The following FARS2 variants were observed in gnomAD, a reference collection of about 807,000 sequenced individuals.
FARS2 encodes phenylalanine--tRNA ligase, mitochondrial.
A neutral mutation model predicts 46.4 loss-of-function variants in FARS2; 40 were observed. The ratio of observed to expected loss-of-function variants is 0.86; its 90% confidence interval spans 0.67 to 1.12. The LOEUF is 1.12. FARS2 is among the 50% of genes most tolerant of loss of function. The probability of loss-of-function intolerance (pLI) is 0.00; values close to 1 mark genes in which losing one functional copy is unlikely to be tolerated. For missense variants in FARS2, 513 were observed against 567.9 expected (o/e 0.90, Z 0.98); for synonymous variants, 234 against 214.9 (o/e 1.09, Z -0.78).
rs150435691 is a variant in FARS2 at position 5,295,570 on chromosome 6, T to C, written c.-22+33910T>C. Among the ~76,000 whole-genome samples, 313 of 152,358 alleles carry C rather than the reference T, an allele frequency of 2.1e-3. 2 individuals carry two copies. The highest frequency in any genetic ancestry group is 7.3e-3 in the African/African-American group (302 of 41,586). On this transcript the variant is annotated intron_variant, in intron 1 of 6. Transcript: ENST00000274680. The stretch of plus-strand genomic sequence containing the variant: ...AATGATAAAAATGAGAGAATATTTA[T>C]GAATAGCAAGGGGACTTTCTTCTCT...
At chr6:5,263,530 AT>A (rs1025915749) in intron 1 of FARS2, among the ~76,000 whole-genome samples, 17 of 152,384 alleles carry the variant, frequency 1.1e-4, no homozygotes, top group East Asian at 3.9e-4. Context: ...CTTAAAAAAA[AT>A]AACTCGATTT....
At chr6:5,597,850 C>T (rs758598286) in intron 5 of FARS2, among the ~76,000 whole-genome samples, 2 of 152,144 alleles carry the variant, frequency 1.3e-5, no homozygotes, top group Non-Finnish European at 2.9e-5. Flanking sequence ...ATTTCTCTAG[C>T]TAATGACTAA....
intron 1 of FARS2, among the ~76,000 whole-genome samples, chr6:5,270,299 A>G (rs962742193): frequency 1.3e-5 from 2 of 152,200 alleles, no homozygotes; most frequent in Admixed American, 6.5e-5. Flanking sequence ...CATTCATAAC[A>G]TTAAGCCCTG....
intron 1 of FARS2, among the ~76,000 whole-genome samples, chr6:5,350,467 C>G (rs763797574): frequency 6.6e-6 from 1 of 152,126 alleles, no homozygotes; most frequent in Non-Finnish European, 1.5e-5. Flanking sequence ...GTGGCATTTG[C>G]GAAAGGTTAG....
At chr6:5,504,919 C>G (rs1768017771) in intron 4 of FARS2, among the ~76,000 whole-genome samples, 1 of 152,136 alleles carries the variant, frequency 6.6e-6, no homozygotes, top group Admixed American at 6.5e-5. Context: ...TTTGCCACCT[C>G]AGTCTCCCAA....
chr6:5,619,610 C>T (rs1775659182), intron 6 of FARS2, among the ~76,000 whole-genome samples: 1 of 152,062 alleles, frequency 6.6e-6, no homozygotes, highest in African/African-American at 2.4e-5. Flanking sequence ...CTATCACTTG[C>T]CATTTTTTAT....
chr6:5,639,338 G>C lies in FARS2; in HGVS notation c.1217+26018G>C, dbSNP rs9504459. ...CTTTGCATTTCAAGTCCCATCATGG[G>C]AGTTACCACTTAACCAGAAGCCATA... On this transcript the variant is annotated intron_variant, in intron 6 of 6. Coordinates refer to ENST00000274680, the MANE Select transcript of FARS2 (RefSeq NM_006567.5). 3.8e-3 allele frequency among the ~76,000 whole-genome samples: 572 copies of C among 152,264 alleles called. 3 individuals are homozygous for C. Among genetic ancestry groups the C allele is most frequent in the African/African-American group, 0.013 (550 of 41,536 alleles).
intron 5 of FARS2, among the ~76,000 whole-genome samples, chr6:5,610,909 T>C (rs1775144329): frequency 6.6e-6 from 1 of 152,178 alleles, no homozygotes; most frequent in South Asian, 2.1e-4. Flanking sequence ...ACCGACGTGG[T>C]ATGTCCACTA....
rs575864272 is a variant in FARS2 at position 5,431,085 on chromosome 6, C to G, written c.817C>G (p.Pro273Ala). The change falls in exon 4 of 7, where the codon CCT becomes GCT. Residue 273 changes from proline to alanine, a missense_variant. By Grantham distance (27) the Pro-to-Ala change is conservative. Transcript: ENST00000274680. ...AGACTGCTACTTCCCTTTTACACATCCTTCCTTTGAGATGGAGATCAACTT... is the reference window on the plus strand; with the variant it reads ...AGACTGCTACTTCCCTTTTACACATGCTTCCTTTGAGATGGAGATCAACTT... ...WVDCYFPFTH[P>A]SFEMEINFHG... 6.2e-7 allele frequency: 1 copy of G among 1,613,908 alleles called. No homozygotes were observed. The highest frequency in any genetic ancestry group is 1.1e-5 in the South Asian group (1 of 91,060).
At chr6:5,445,179 T>C (rs115653646) in intron 4 of FARS2, among the ~76,000 whole-genome samples, 2,285 of 75,472 alleles carry the variant, frequency 0.03, 59 homozygotes, top group African/African-American at 0.11. Flanking sequence ...AAAGAAATTC[T>C]TAGAGACCTT....
chr6:5,478,705 T>C (rs1016246474), intron 4 of FARS2, among the ~76,000 whole-genome samples: 22 of 152,184 alleles, frequency 1.4e-4, no homozygotes, highest in African/African-American at 5.1e-4. Flanking sequence ...TGGTGGTTCG[T>C]CCAGGGTGCT....
At chr6:5,433,442 C>T (rs1763344506) in intron 4 of FARS2, among the ~76,000 whole-genome samples, 2 of 152,198 alleles carry the variant, frequency 1.3e-5, no homozygotes, top group Non-Finnish European at 2.9e-5. Context: ...TTGTTCCTGC[C>T]TGTGATAGAA....
chr6:5,722,047 A>G (rs1428118975), intron 6 of FARS2, among the ~76,000 whole-genome samples: 1 of 152,228 alleles, frequency 6.6e-6, no homozygotes, highest in Non-Finnish European at 1.5e-5. Flanking sequence ...CGTTTTAAAT[A>G]TTCTCTTTTT....
intron 1 of FARS2, among the ~76,000 whole-genome samples, chr6:5,284,006 T>G (rs1274454154): frequency 6.6e-6 from 1 of 152,250 alleles, no homozygotes; most frequent in Non-Finnish European, 1.5e-5. Flanking sequence ...TCAAATTATC[T>G]TCTACAAAGG....
rs770650914 is a variant in FARS2 at position 5,404,597 on chromosome 6, G to C, written c.668G>C (p.Arg223Pro). Residue 223 changes from arginine to proline, a missense_variant, in exon 3 of 7, where the codon CGC becomes CCC. Arg to Pro is a moderately radical substitution (Grantham distance 103). Transcript: ENST00000274680. ...CTGCAGCTCTTTGAACAAAGTTCTC[G>C]CTCTGCGCATAAACAAGAGACACAC... ...ESLQLFEQSS[R>P]SAHKQETHTM... 6.2e-7 allele frequency: 1 copy of C among 1,611,270 alleles called. No individual in the cohort carries two copies. Among genetic ancestry groups the C allele is most frequent in the Admixed American group, 1.7e-5 (1 of 59,842 alleles).
At chr6:5,534,609 G>A (rs1272136700) in intron 4 of FARS2, among the ~76,000 whole-genome samples, 1 of 152,076 alleles carries the variant, frequency 6.6e-6, no homozygotes, top group African/African-American at 2.4e-5. Flanking sequence ...TTTTAGGGCT[G>A]AATAATATTC....
At chr6:5,607,410 A>G (rs191338184) in intron 5 of FARS2, among the ~76,000 whole-genome samples, 2 of 152,214 alleles carry the variant, frequency 1.3e-5, no homozygotes, top group East Asian at 3.9e-4. Flanking sequence ...CAAGCAATCC[A>G]ATAGGCACAG....
intron 6 of FARS2, among the ~76,000 whole-genome samples, chr6:5,766,720 A>T (rs917241804): frequency 6.6e-6 from 1 of 152,170 alleles, no homozygotes; most frequent in South Asian, 2.1e-4. Context: ...ATTCAGTGGT[A>T]TTTAGTATGA....
intron 6 of FARS2, among the ~76,000 whole-genome samples, chr6:5,699,157 G>A (rs1758274063): frequency 6.6e-6 from 1 of 152,206 alleles, no homozygotes; most frequent in Admixed American, 6.5e-5. Context: ...CATTGAATGT[G>A]ATAGGGTTAC....
Sources: allele counts gnomAD v4.1 joint callset (sites outside exome capture counted in the v4.1 genomes callset), GRCh38; gene constraint gnomAD v4.1.1; transcripts MANE v1.5; gene names NCBI Gene and HGNC (gene_info 2026-07-23, HGNC 2026-07-21).